SSX7: variants seen among roughly 807,000 people sequenced by gnomAD.
SSX7 encodes the protein protein SSX7.
SSX7 carries 15 observed loss-of-function variants against 14.7 expected under a neutral mutation model. The ratio of observed to expected loss-of-function variants is 1.02; its 90% confidence interval spans 0.68 to 1.58. The LOEUF (loss-of-function observed/expected upper bound fraction) is 1.58, where lower values mean the gene tolerates loss of function less well. Ranked by LOEUF, SSX7 falls within the 40% of genes most tolerant of loss-of-function variation. The probability of loss-of-function intolerance (pLI) is 0.00; values close to 1 mark genes in which losing one functional copy is unlikely to be tolerated. For missense variants in SSX7, 178 were observed against 146.8 expected (o/e 1.21, Z -1.10); for synonymous variants, 46 against 50.6 (o/e 0.91, Z 0.38).
chrX:52,647,927 G>A (rs1444878766), intron 6 of SSX7, among the ~76,000 whole-genome samples: 8 of 111,930 alleles, frequency 7.1e-5, no homozygotes, highest in Non-Finnish European at 1.1e-4. Flanking sequence ...AGATAGAATC[G>A]CTTGAGCACC....
At chrX:52,646,751 T>A (rs1364730683) in intron 6 of SSX7, among the ~76,000 whole-genome samples, 1 of 111,480 alleles carries the variant, frequency 9.0e-6, no homozygotes, top group Non-Finnish European at 1.9e-5. Context: ...GAAATTAGGA[T>A]GATTGACAAC....
At position 52,645,203 on chromosome X, in the gene SSX7, G is replaced by A. The variant is rs782255288; in HGVS notation, c.*4+236C>T. Among the ~76,000 whole-genome samples, 10 of 109,309 alleles carry A rather than the reference G, an allele frequency of 9.1e-5. No homozygotes were observed. In the South Asian group the frequency reaches 4.2e-3, roughly 45 times the overall value. The allele number at this position is 109,309 out of a possible 115,157, so 94.9% of individuals were successfully genotyped here. On this transcript the variant is annotated intron_variant, in intron 7 of 7. Transcript: ENST00000298181. Reference sequence around the variant, plus strand: ...GGAGAATGGCGTGAACCCGTGAGGCGGAGCTTGCAGTAAGCGGAGATCATG... The same window carrying A: ...GGAGAATGGCGTGAACCCGTGAGGCAGAGCTTGCAGTAAGCGGAGATCATG...
intron 6 of SSX7, among the ~76,000 whole-genome samples, chrX:52,646,461 G>A (rs782619579): frequency 8.9e-6 from 1 of 112,714 alleles, no homozygotes; most frequent in Non-Finnish European, 1.9e-5. Flanking sequence ...TCACATCATG[G>A]AAAATAGGGT....
chrX:52,645,586 G>T, intron 6 of SSX7, 43 bp from the exon 7 acceptor site: 1 of 1,098,897 alleles, frequency 9.1e-7, no homozygotes, highest in Non-Finnish European at 1.2e-6. Flanking sequence ...GGGTAGGTTG[G>T]AGAGTGTTAG....
chrX:52,652,346 G>C lies in SSX7; in HGVS notation c.186C>G (p.Gly62=). 8.4e-7 allele frequency: 1 copy of C among 1,195,040 alleles called. No individual in the cohort carries two copies. The highest frequency in any genetic ancestry group is 1.1e-6 in the Non-Finnish European group (1 of 881,740). The change falls in exon 4 of 8, where the codon GGC becomes GGG. Residue 62 remains glycine (G), a splice_region_variant and synonymous_variant. Transcript: ENST00000298181. ...KRKYEAMTKL[G]FKATLPPFMH... is the part of the protein sequence containing the mutation. ...TGAAAGGTGGGAGGGTGGCCTTGAA[G>C]CCTAGAAAGAAGCAAAATGTTTATT...
chrX:52,647,152 A>G (rs1165233927), intron 6 of SSX7, among the ~76,000 whole-genome samples: 1 of 112,200 alleles, frequency 8.9e-6, no homozygotes, highest in African/African-American at 3.2e-5. Flanking sequence ...AGTCCATGAA[A>G]GCTGAGAGAG....
At chrX:52,649,296 TG>T (rs1925351996) in intron 5 of SSX7, among the ~76,000 whole-genome samples, 1 of 111,751 alleles carries the variant, frequency 8.9e-6, no homozygotes, top group South Asian at 3.8e-4. Context: ...CCCAAAGTGC[TG>T]GGATTACAGT....
chrX:52,648,220 ACG>A (rs781976575), intron 6 of SSX7, 39 bp downstream of exon 6: 1 of 1,194,734 alleles, frequency 8.4e-7, no homozygotes, highest in African/African-American at 1.8e-5. Context: ...GAACATAGCC[ACG>A]GAAGCCAGAG....
chrX:52,646,165 G>A (rs1418953051), intron 6 of SSX7, among the ~76,000 whole-genome samples: 2 of 111,979 alleles, frequency 1.8e-5, no homozygotes, highest in African/African-American at 6.5e-5. Flanking sequence ...TCCAGTTCAA[G>A]CGATTCTCCT....
At chrX:52,647,950 A>G (rs1231239097) in intron 6 of SSX7, among the ~76,000 whole-genome samples, 1 of 112,051 alleles carries the variant, frequency 8.9e-6, no homozygotes, top group Non-Finnish European at 1.9e-5. Context: ...TCATGTCATC[A>G]GGCCTTCTAG....
intron 1 of SSX7, among the ~76,000 whole-genome samples, chrX:52,654,369 T>TTTG (rs1569174477): frequency 1.2e-5 from 1 of 85,507 alleles, no homozygotes; most frequent in Non-Finnish European, 2.4e-5. Flanking sequence ...AGTGAGTTTT[T>TTTG]TTTTTTTTTT....
intron 6 of SSX7, among the ~76,000 whole-genome samples, chrX:52,646,006 GT>G (rs2146494333): frequency 9.1e-6 from 1 of 109,935 alleles, no homozygotes; most frequent in African/African-American, 3.3e-5. Flanking sequence ...TACTGAAATT[GT>G]TTTTGTTGTT....
At chrX:52,650,293 G>A in intron 5 of SSX7, 60 bp downstream of exon 5, 1 of 1,170,623 alleles carries the variant, frequency 8.5e-7, no homozygotes, top group Non-Finnish European at 1.2e-6. Flanking sequence ...ACTCTTACCA[G>A]TGTTTGCATC....
intron 6 of SSX7, among the ~76,000 whole-genome samples, chrX:52,646,396 T>C (rs2146494546): frequency 8.9e-6 from 1 of 112,894 alleles, no homozygotes; most frequent in East Asian, 2.8e-4. Context: ...ACAGTAGGTG[T>C]ATATACTTAT....
rs1402568479 is a variant in SSX7 at position 52,651,643 on chromosome X, G to C, written c.280+609C>G. Among the ~76,000 whole-genome samples, 6 of 111,498 alleles carry C rather than the reference G, an allele frequency of 5.4e-5. No homozygotes were observed. In the Admixed American group the frequency reaches 5.7e-4, roughly 11 times the overall value. On this transcript the variant is annotated intron_variant, in intron 4 of 7. Transcript: ENST00000298181. The stretch of plus-strand genomic sequence containing the variant: ...TAATCCCAGCACTTTGGGAGGCTGA[G>C]GCAGGTGGATCACCTGAGGTCAGGA...
At chrX:52,649,482 G>T (rs1925360949) in intron 5 of SSX7, among the ~76,000 whole-genome samples, 1 of 111,515 alleles carries the variant, frequency 9.0e-6, no homozygotes, top group African/African-American at 3.3e-5. Context: ...CTTCAATTCG[G>T]TCTCCACACT....
At chrX:52,653,695 T>A (rs1428859359) in intron 1 of SSX7, among the ~76,000 whole-genome samples, 2 of 110,287 alleles carry the variant, frequency 1.8e-5, no homozygotes, top group Non-Finnish European at 3.8e-5. Context: ...AAGTATTGAT[T>A]TGGGATGACA....
intron 5 of SSX7, among the ~76,000 whole-genome samples, chrX:52,649,292 G>C (rs1368248493): frequency 9.0e-6 from 1 of 111,581 alleles, no homozygotes; most frequent in Non-Finnish European, 1.9e-5. Context: ...GCCTCCCAAA[G>C]TGCTGGGATT....
chrX:52,648,328 C>T lies in SSX7; in HGVS notation c.399G>A (p.Gln133=), dbSNP rs1556766593. The T allele has an allele frequency of 8.3e-7, 1 of 1,211,985 alleles. No individual in the cohort carries two copies. Among genetic ancestry groups the T allele is most frequent in the South Asian group, 1.8e-5 (1 of 56,982 alleles). The change falls in exon 6 of 8, where the codon CAG becomes CAA. Residue 133 remains glutamine, a synonymous_variant. Transcript: ENST00000298181. ...GAGGGCACAGGTGTTTCCCATCGTTCTGTGAGCCAGATGCTTCTGGCACTC... is the reference window on the plus strand; with the variant it reads ...GAGGGCACAGGTGTTTCCCATCGTTTTGTGAGCCAGATGCTTCTGGCACTC... The part of the protein sequence containing the change: ...SKGVPEASGS[Q]NDGKHLCPPG...
Sources: allele counts gnomAD v4.1 joint callset (sites outside exome capture counted in the v4.1 genomes callset), GRCh38; gene constraint gnomAD v4.1.1; transcripts MANE v1.5; gene names NCBI Gene and HGNC (gene_info 2026-07-23, HGNC 2026-07-21).